NTM: variants seen among roughly 807,000 people sequenced by gnomAD.
The protein encoded by NTM is neurotrimin, also known as IgLON family member 2.
Under a neutral mutation model 42.1 loss-of-function variants are expected in NTM, and 13 were observed. The observed-to-expected ratio is 0.31, with a 90% CI of 0.20 to 0.49. The LOEUF is 0.49. Ranked by LOEUF, NTM falls within the 20% of genes least tolerant of loss-of-function variation. The pLI, the probability that NTM is intolerant of heterozygous loss-of-function variation, is 0.99. For missense variants in NTM, 373 were observed against 452.8 expected (o/e 0.82, Z 1.60); for synonymous variants, 187 against 179.2 (o/e 1.04, Z -0.35).
chr11:131,930,378 C>T (rs150322555), intron 2 of NTM, among the ~76,000 whole-genome samples: 21 of 152,326 alleles, frequency 1.4e-4, no homozygotes, highest in African/African-American at 4.6e-4. Flanking sequence ...TGGCCCCTCA[C>T]ACTGGGCCCA....
At chr11:131,577,372 ATCAAC>A (rs2058031449) in intron 1 of NTM, among the ~76,000 whole-genome samples, 1 of 152,202 alleles carries the variant, frequency 6.6e-6, no homozygotes, top group Non-Finnish European at 1.5e-5. Context: ...GAGGCTATCT[ATCAAC>A]TCTTATAGCA....
chr11:131,645,780 A>G (rs1569385), intron 1 of NTM, among the ~76,000 whole-genome samples: 23,930 of 152,166 alleles, frequency 0.16, 2,362 homozygotes, highest in South Asian at 0.23. Flanking sequence ...ACTTCTTTCA[A>G]TGGGATCTTG....
intron 1 of NTM, among the ~76,000 whole-genome samples, chr11:131,500,571 ATATATAT>A (rs1565569283): frequency 2.3e-5 from 2 of 85,328 alleles, no homozygotes; most frequent in African/African-American, 8.1e-5. Context: ...ATATATATAT[ATATATAT>A]TTTTTTTTTT....
chr11:131,789,427 A>AGGAAG lies in NTM; in HGVS notation c.83-122137_83-122136insGGAAG, dbSNP rs1214138167. ...GCTGCAGTTAAAAGAAAAAAAGAAG[A>AGGAAG]AGGAAGAAGAAGAAGAAGAAGAAGA... On this transcript the variant is annotated intron_variant, in intron 1 of 8. Coordinates refer to ENST00000683400, the MANE Select transcript of NTM (RefSeq NM_001352005.2). 1.7e-4 allele frequency among the ~76,000 whole-genome samples: 3 copies of AGGAAG among 17,826 alleles called. 1 individual carries two copies. Among genetic ancestry groups the AGGAAG allele is most frequent in the Admixed American group, 6.3e-4 (1 of 1,578 alleles). The allele number at this position is 17,826 out of a possible 152,430, so 11.7% of individuals were successfully genotyped here.
intron 1 of NTM, among the ~76,000 whole-genome samples, chr11:131,642,441 G>A (rs929908163): frequency 6.6e-5 from 10 of 152,182 alleles, no homozygotes; most frequent in Non-Finnish European, 1.3e-4. Context: ...ATAAACTCAG[G>A]TATCACTCTG....
intron 2 of NTM, among the ~76,000 whole-genome samples, chr11:131,965,130 C>T (rs1023427736): frequency 1.3e-5 from 2 of 151,786 alleles, no homozygotes; most frequent in Non-Finnish European, 2.9e-5. Context: ...ACAGGAGCTC[C>T]GAAAACGATG....
At chr11:132,324,867 A>T (rs1197546264) in intron 7 of NTM, among the ~76,000 whole-genome samples, 4 of 150,938 alleles carry the variant, frequency 2.7e-5, no homozygotes, top group African/African-American at 4.9e-5. Context: ...ATAATGCCAC[A>T]TATCTACAAC....
chr11:131,976,116 A>ATTAC, intron 2 of NTM, among the ~76,000 whole-genome samples: 1 of 123,872 alleles, frequency 8.1e-6, no homozygotes. Flanking sequence ...TCCCTCCCTC[A>ATTAC]TTCCTTCCTT....
chr11:132,099,453 A>G (rs1305980953), intron 2 of NTM, among the ~76,000 whole-genome samples: 2 of 152,154 alleles, frequency 1.3e-5, no homozygotes, highest in African/African-American at 4.8e-5. Flanking sequence ...AAATCATTCC[A>G]TTGATTTCAT....
intron 1 of NTM, among the ~76,000 whole-genome samples, chr11:131,898,232 A>G (rs2052598886): frequency 6.6e-6 from 1 of 152,212 alleles, no homozygotes; most frequent in African/African-American, 2.4e-5. Flanking sequence ...AAAGCACGCC[A>G]GTTCTCTGGA....
At chr11:131,956,275 C>T (rs1378341179) in intron 2 of NTM, among the ~76,000 whole-genome samples, 1 of 152,182 alleles carries the variant, frequency 6.6e-6, no homozygotes, top group African/African-American at 2.4e-5. Context: ...GGTGCCCCCA[C>T]ATGTGAGTCA....
At chr11:131,386,392 T>C (rs1943319191) in intron 1 of NTM, among the ~76,000 whole-genome samples, 1 of 152,196 alleles carries the variant, frequency 6.6e-6, no homozygotes, top group African/African-American at 2.4e-5. Flanking sequence ...GATAGTTACA[T>C]AATATTGTGA....
chr11:132,164,088 T>G lies in NTM; in HGVS notation c.400+17574T>G, dbSNP rs80092750. On this transcript the variant is annotated intron_variant, in intron 3 of 8. Coordinates refer to ENST00000683400, the MANE Select transcript of NTM (RefSeq NM_001352005.2). ...CTTCCAGGGCGCTTTCTCTTGCCCCTTGATGAAAGACAAATCTTTCCTTAT... is the reference window on the plus strand; with the variant it reads ...CTTCCAGGGCGCTTTCTCTTGCCCCGTGATGAAAGACAAATCTTTCCTTAT... Among the ~76,000 whole-genome samples, 923 of 152,324 alleles carry G rather than the reference T, an allele frequency of 6.1e-3. 9 individuals are homozygous for G. The highest frequency in any genetic ancestry group is 0.02 in the African/African-American group (815 of 41,586).
chr11:132,236,227 AG>A (rs1446601485), intron 4 of NTM, among the ~76,000 whole-genome samples: 1 of 152,214 alleles, frequency 6.6e-6, no homozygotes, highest in African/African-American at 2.4e-5. Flanking sequence ...TAATGAGGTA[AG>A]TACCATTGTA....
At chr11:131,993,006 C>T (rs73586647) in intron 2 of NTM, among the ~76,000 whole-genome samples, 2,968 of 152,174 alleles carry the variant, frequency 0.02, 107 homozygotes, top group African/African-American at 0.068. Context: ...GGTTTACCCA[C>T]TAAGTATTCT....
At chr11:131,691,830 T>G (rs2074796673) in intron 1 of NTM, among the ~76,000 whole-genome samples, 1 of 152,228 alleles carries the variant, frequency 6.6e-6, no homozygotes, top group Non-Finnish European at 1.5e-5. Context: ...CCAGGCGTCT[T>G]TCGTGTGTCA....
intron 1 of NTM, among the ~76,000 whole-genome samples, chr11:131,755,959 C>A (rs1591629781): frequency 6.6e-6 from 1 of 152,346 alleles, no homozygotes; most frequent in Non-Finnish European, 1.5e-5. Context: ...TTTCCCACTG[C>A]TTCTCTGCAT....
chr11:132,300,847 C>T (rs1428696425), intron 4 of NTM, among the ~76,000 whole-genome samples: 1 of 152,136 alleles, frequency 6.6e-6, no homozygotes. Context: ...CTTGTGCCAC[C>T]CCCTTTGACA....
At chr11:131,523,199 A>T (rs926494442) in intron 1 of NTM, among the ~76,000 whole-genome samples, 3 of 152,142 alleles carry the variant, frequency 2.0e-5, no homozygotes, top group African/African-American at 7.2e-5. Flanking sequence ...TTCTAGAAAG[A>T]TATTTGTTGA....
Sources: allele counts gnomAD v4.1 joint callset (sites outside exome capture counted in the v4.1 genomes callset), GRCh38; gene constraint gnomAD v4.1.1; transcripts MANE v1.5; gene names NCBI Gene and HGNC (gene_info 2026-07-23, HGNC 2026-07-21).